The following SPRED1 variants were observed in gnomAD, a reference collection of about 807,000 sequenced individuals.
SPRED1 encodes sprouty-related, EVH1 domain-containing protein 1.
In SPRED1, 18 loss-of-function variants were observed where a neutral mutation model predicts 52.3. The ratio of observed to expected loss-of-function variants is 0.34; its 90% confidence interval spans 0.24 to 0.51. The LOEUF (loss-of-function observed/expected upper bound fraction) is 0.51, where lower values mean the gene tolerates loss of function less well. SPRED1 is among the 20% of genes least tolerant of loss of function. The pLI, the probability that SPRED1 is intolerant of heterozygous loss-of-function variation, is 0.97. For synonymous variants in SPRED1, 155 were observed against 179.7 expected (o/e 0.86, Z 1.10); for missense variants, 485 against 551.0 (o/e 0.88, Z 1.20).
chr15:38,329,711 A>G (rs1895773213), intron 4 of SPRED1, among the ~76,000 whole-genome samples: 1 of 152,166 alleles, frequency 6.6e-6, no homozygotes, highest in South Asian at 2.1e-4. Flanking sequence ...AAAATTAGGA[A>G]TCATTCATTC....
chr15:38,287,405 TC>T (rs1291397388), intron 1 of SPRED1, among the ~76,000 whole-genome samples: 3 of 152,308 alleles, frequency 2.0e-5, no homozygotes, highest in African/African-American at 7.2e-5. Flanking sequence ...TACATCTCTT[TC>T]ATTGTTTCTT....
At chr15:38,287,164 A>C (rs1894828721) in intron 1 of SPRED1, among the ~76,000 whole-genome samples, 1 of 152,236 alleles carries the variant, frequency 6.6e-6, no homozygotes, top group Non-Finnish European at 1.5e-5. Context: ...TTGAAAAAAC[A>C]GAAAAATGCA....
At chr15:38,269,482 A>G (rs1894384722) in intron 1 of SPRED1, among the ~76,000 whole-genome samples, 1 of 152,116 alleles carries the variant, frequency 6.6e-6, no homozygotes, top group South Asian at 2.1e-4. Flanking sequence ...CCTGAGCTCA[A>G]GTGGTCCTCC....
At chr15:38,271,414 C>A (rs559223471) in intron 1 of SPRED1, among the ~76,000 whole-genome samples, 1 of 152,236 alleles carries the variant, frequency 6.6e-6, no homozygotes, top group African/African-American at 2.4e-5. Context: ...TAGTCCATCT[C>A]CTGGATTTTA....
intron 2 of SPRED1, among the ~76,000 whole-genome samples, chr15:38,306,764 G>C (rs1333129589): frequency 6.6e-6 from 1 of 152,150 alleles, no homozygotes; most frequent in Non-Finnish European, 1.5e-5. Flanking sequence ...CTTCCTGGTT[G>C]CCTTTATTTT....
At chr15:38,298,620 G>C in intron 1 of SPRED1, 1 of 246,050 alleles carries the variant, frequency 4.1e-6, no homozygotes, top group Non-Finnish European at 8.0e-6. Flanking sequence ...GCCCCAAACA[G>C]GCAAAATCTC....
At chr15:38,330,333 A>C (rs376854245) in intron 4 of SPRED1, among the ~76,000 whole-genome samples, 2 of 152,164 alleles carry the variant, frequency 1.3e-5, no homozygotes, top group African/African-American at 4.8e-5. Flanking sequence ...AGAAAATGCT[A>C]TATGCTGTTA....
intron 1 of SPRED1, among the ~76,000 whole-genome samples, chr15:38,285,962 A>G (rs552694144): frequency 6.6e-6 from 1 of 152,198 alleles, no homozygotes; most frequent in African/African-American, 2.4e-5. Flanking sequence ...TTTTCAGATC[A>G]GGCAGGTGTG....
rs142796053 is a variant in SPRED1 at position 38,278,269 on chromosome 15, C to T, written c.33-21104C>T. Among the ~76,000 whole-genome samples the T allele has an allele frequency of 5.7e-3, 867 of 152,208 alleles. 14 individuals carry two copies. Among genetic ancestry groups the T allele is most frequent in the African/African-American group, 0.02 (834 of 41,526 alleles). On this transcript the variant is annotated intron_variant, in intron 1 of 6. Coordinates refer to ENST00000299084, the MANE Select transcript of SPRED1 (RefSeq NM_152594.3). ...GGTCCAGGTGGGCAGATTGCTTGAG[C>T]CCAGGAGTTTGAGACCAGCCTGGGA...
intron 1 of SPRED1, among the ~76,000 whole-genome samples, chr15:38,273,874 G>A (rs1001903291): frequency 6.6e-6 from 1 of 152,108 alleles, no homozygotes; most frequent in African/African-American, 2.4e-5. Context: ...ACTGAACTAT[G>A]TTTATTTCTC....
chr15:38,279,708 C>G (rs1894646056), intron 1 of SPRED1, among the ~76,000 whole-genome samples: 1 of 152,178 alleles, frequency 6.6e-6, no homozygotes, highest in Non-Finnish European at 1.5e-5. Context: ...TGAACCATAT[C>G]TGCACATAGC....
intron 1 of SPRED1, among the ~76,000 whole-genome samples, chr15:38,297,254 A>G (rs1256614268): frequency 6.6e-6 from 1 of 152,240 alleles, no homozygotes; most frequent in Non-Finnish European, 1.5e-5. Context: ...TTCAAATATG[A>G]TCAGAGATTA....
intron 2 of SPRED1, among the ~76,000 whole-genome samples, chr15:38,308,203 G>C (rs529703370): frequency 2.0e-5 from 3 of 152,090 alleles, no homozygotes; most frequent in Non-Finnish European, 4.4e-5. Context: ...TGAAATTTTT[G>C]TTGAGATAAT....
intron 2 of SPRED1, among the ~76,000 whole-genome samples, chr15:38,309,300 C>T (rs1379070842): frequency 6.6e-6 from 1 of 152,130 alleles, no homozygotes; most frequent in African/African-American, 2.4e-5. Context: ...ATCACCACAC[C>T]TGGCTAATTT....
chr15:38,322,852 T>G (rs1047268483), intron 3 of SPRED1, among the ~76,000 whole-genome samples: 2 of 152,138 alleles, frequency 1.3e-5, no homozygotes, highest in African/African-American at 4.8e-5. Context: ...AGTCTTTACT[T>G]GATTGATTTC....
At chr15:38,336,724 G>A (rs1895931571) in intron 4 of SPRED1, among the ~76,000 whole-genome samples, 1 of 151,958 alleles carries the variant, frequency 6.6e-6, no homozygotes, top group Admixed American at 6.6e-5. Context: ...TCACTCATAA[G>A]TGGGAGCTAA....
At chr15:38,263,496 A>G (rs76570348) in intron 1 of SPRED1, among the ~76,000 whole-genome samples, 3,687 of 152,272 alleles carry the variant, frequency 0.024, 161 homozygotes, top group African/African-American at 0.084. Context: ...GGGAGAGTAG[A>G]AGAAAGAAGA....
chr15:38,299,769 C>T (rs941697997), intron 2 of SPRED1, among the ~76,000 whole-genome samples: 5 of 151,794 alleles, frequency 3.3e-5, no homozygotes, highest in Non-Finnish European at 2.9e-5. Context: ...TTTCCATTTA[C>T]GCTTAATGCA....
chr15:38,308,467 T>C (rs534804635), intron 2 of SPRED1, among the ~76,000 whole-genome samples: 6 of 152,320 alleles, frequency 3.9e-5, no homozygotes, highest in Admixed American at 2.0e-4. Flanking sequence ...ACCACAAGAA[T>C]CTCTTCTTTC....
Sources: allele counts gnomAD v4.1 joint callset (sites outside exome capture counted in the v4.1 genomes callset), GRCh38; gene constraint gnomAD v4.1.1; transcripts MANE v1.5; gene names NCBI Gene and HGNC (gene_info 2026-07-23, HGNC 2026-07-21).